Variants in KCNB2 observed in about 807,000 individuals in gnomAD.
KCNB2 encodes the protein potassium voltage-gated channel subfamily B member 2, also known as delayed rectifier potassium channel protein.
KCNB2 carries 15 observed loss-of-function variants against 61.5 expected under a neutral mutation model. That is an observed-to-expected ratio of 0.24 (90% CI 0.16 to 0.38). KCNB2 has a LOEUF of 0.38. KCNB2 is among the 10% of genes least tolerant of loss of function. KCNB2 has a pLI of 1.00. For synonymous variants in KCNB2, 457 were observed against 446.0 expected, an observed-to-expected ratio of 1.02 and a Z score of -0.31; for missense variants, 828 against 1,125.2, an observed-to-expected ratio of 0.74 and a Z score of 3.78.
chr8:72,626,729 C>T (rs1394415994), intron 2 of KCNB2, among the ~76,000 whole-genome samples: 1 of 152,196 alleles, frequency 6.6e-6, no homozygotes, highest in Non-Finnish European at 1.5e-5. Context: ...TTCAGGCAGT[C>T]TGGTTGCAGA....
chr8:72,583,417 A>C (rs145809827), intron 2 of KCNB2, among the ~76,000 whole-genome samples: 29 of 152,018 alleles, frequency 1.9e-4, no homozygotes, highest in African/African-American at 6.0e-4. Flanking sequence ...TCTGTTTTTG[A>C]GTTTTTAGTA....
intron 1 of KCNB2, among the ~76,000 whole-genome samples, chr8:72,555,982 C>T (rs1371779601): frequency 6.6e-6 from 1 of 151,960 alleles, no homozygotes; most frequent in East Asian, 1.9e-4. Flanking sequence ...TATTTTCTCT[C>T]TTTGTCCATA....
intron 2 of KCNB2, among the ~76,000 whole-genome samples, chr8:72,713,486 AGCATTT>A (rs1437564209): frequency 6.6e-6 from 1 of 152,200 alleles, no homozygotes; most frequent in Admixed American, 6.5e-5. Context: ...ATCAGGCAGC[AGCATTT>A]GCGGTTCACC....
intron 2 of KCNB2, among the ~76,000 whole-genome samples, chr8:72,695,837 T>C (rs1157100527): frequency 6.6e-6 from 1 of 152,230 alleles, no homozygotes; most frequent in Non-Finnish European, 1.5e-5. Context: ...GCCAAGTTAT[T>C]CCAGCAATTT....
At chr8:72,873,918 C>T (rs950658258) in intron 2 of KCNB2, among the ~76,000 whole-genome samples, 1 of 152,258 alleles carries the variant, frequency 6.6e-6, no homozygotes, top group Non-Finnish European at 1.5e-5. Flanking sequence ...ACTTCAACTT[C>T]TCCCTTGTAT....
At chr8:72,561,701 A>ATATGTG (rs1368807241) in intron 1 of KCNB2, among the ~76,000 whole-genome samples, 1 of 19,630 alleles carries the variant, frequency 5.1e-5, no homozygotes, top group African/African-American at 5.8e-4. Context: ...TTATATATAT[A>ATATGTG]TATATATATA....
At chr8:72,830,359 C>G (rs1809674409) in intron 2 of KCNB2, among the ~76,000 whole-genome samples, 1 of 152,026 alleles carries the variant, frequency 6.6e-6, no homozygotes, top group Admixed American at 6.6e-5. Flanking sequence ...ACCCACAGGT[C>G]CTGCTCAACC....
intron 2 of KCNB2, among the ~76,000 whole-genome samples, chr8:72,704,365 G>A (rs1197007737): frequency 6.6e-6 from 1 of 152,100 alleles, no homozygotes; most frequent in African/African-American, 2.4e-5. Flanking sequence ...GTTCAGAAAA[G>A]CAAGTAACTT....
At chr8:72,788,828 C>T (rs1426678482) in intron 2 of KCNB2, among the ~76,000 whole-genome samples, 1 of 152,142 alleles carries the variant, frequency 6.6e-6, no homozygotes, top group African/African-American at 2.4e-5. Flanking sequence ...CATCTACTTG[C>T]TTCAAAGGAT....
chr8:72,757,661 T>A (rs1008112199), intron 2 of KCNB2, among the ~76,000 whole-genome samples: 11 of 152,016 alleles, frequency 7.2e-5, no homozygotes, highest in African/African-American at 2.4e-4. Flanking sequence ...GTGTGTGTGA[T>A]CCTAGAGAAA....
intron 2 of KCNB2, among the ~76,000 whole-genome samples, chr8:72,839,684 C>T (rs1471822683): frequency 1.4e-5 from 2 of 138,632 alleles, no homozygotes; most frequent in African/African-American, 2.7e-5. Flanking sequence ...GCGATCTCGG[C>T]TCGCTGCAAG....
At chr8:72,927,269 TTC>T (rs1008221648) in intron 2 of KCNB2, among the ~76,000 whole-genome samples, 2 of 107,492 alleles carry the variant, frequency 1.9e-5, no homozygotes, top group African/African-American at 6.2e-5. Context: ...ACTCTTTTCT[TTC>T]TTTTTTTTTT....
At chr8:72,862,846 A>T (rs949419210) in intron 2 of KCNB2, among the ~76,000 whole-genome samples, 1 of 152,224 alleles carries the variant, frequency 6.6e-6, no homozygotes, top group African/African-American at 2.4e-5. Context: ...TGGTTCTGGC[A>T]GCTTTACAGG....
intron 2 of KCNB2, among the ~76,000 whole-genome samples, chr8:72,736,576 CAAA>C (rs1807849743): frequency 6.6e-6 from 1 of 152,120 alleles, no homozygotes; most frequent in South Asian, 2.1e-4. Context: ...TTGAAGCAAA[CAAA>C]AGAAGAGTTT....
chr8:72,792,767 G>C (rs573554725), intron 2 of KCNB2, among the ~76,000 whole-genome samples: 235 of 152,324 alleles, frequency 1.5e-3, no homozygotes, highest in African/African-American at 5.4e-3. Flanking sequence ...GCTAAATCAT[G>C]TGTTTATAAG....
At chr8:72,676,443 C>T (rs533628742) in intron 2 of KCNB2, among the ~76,000 whole-genome samples, 2 of 151,450 alleles carry the variant, frequency 1.3e-5, no homozygotes, top group East Asian at 1.9e-4. Context: ...TCTGATCTGC[C>T]CTCTCTGGTT....
chr8:72,725,238 A>G (rs539270898), intron 2 of KCNB2, among the ~76,000 whole-genome samples: 1 of 152,116 alleles, frequency 6.6e-6, no homozygotes, highest in South Asian at 2.1e-4. Context: ...TTTGTGGTAA[A>G]TGCACATATT....
chr8:72,935,961 C>T lies in KCNB2; in HGVS notation c.606C>T (p.Phe202=), dbSNP rs370787718. Residue 202 remains phenylalanine, a synonymous_variant, in exon 3 of 3, where the codon TTC becomes TTT. Coordinates refer to ENST00000523207, the MANE Select transcript of KCNB2 (RefSeq NM_004770.3). ...AKILAIVSIL[F]IVLSTIALSL... ...TCCTGGCCATCGTGTCTATCCTGTT[C>T]ATTGTGCTTTCCACCATTGCTTTGT... 5 of 1,613,966 alleles carry T rather than the reference C, an allele frequency of 3.1e-6. No homozygotes were observed. The highest frequency in any genetic ancestry group is 4.2e-6 in the Non-Finnish European group (5 of 1,179,952).
At chr8:72,719,063 A>G (rs1312812766) in intron 2 of KCNB2, among the ~76,000 whole-genome samples, 1 of 151,620 alleles carries the variant, frequency 6.6e-6, no homozygotes, top group East Asian at 1.9e-4. Flanking sequence ...GAGAGGCAAC[A>G]GTGTTTTTTT....
Sources: allele counts gnomAD v4.1 joint callset (sites outside exome capture counted in the v4.1 genomes callset), GRCh38; gene constraint gnomAD v4.1.1; transcripts MANE v1.5; gene names NCBI Gene and HGNC (gene_info 2026-07-23, HGNC 2026-07-21).